SEMA6A: variants seen among roughly 807,000 people sequenced by gnomAD.
SEMA6A encodes semaphorin-6A.
SEMA6A carries 25 observed loss-of-function variants against 96.8 expected under a neutral mutation model. The observed-to-expected ratio is 0.26, with a 90% CI of 0.19 to 0.36. The LOEUF is 0.36. Ranked by LOEUF, SEMA6A falls within the 10% of genes least tolerant of loss-of-function variation. The pLI, the probability that SEMA6A is intolerant of heterozygous loss-of-function variation, is 1.00. For synonymous variants in SEMA6A, 612 were observed against 518.0 expected, an observed-to-expected ratio of 1.18 and a Z score of -2.46; for missense variants, 1,363 against 1,323.1, an observed-to-expected ratio of 1.03 and a Z score of -0.47.
intron 4 of SEMA6A, 47 bp from the exon 5 acceptor site, chr5:116,496,360 G>A (rs41099): frequency 0.17 from 262,234 of 1,561,872 alleles, 23,428 homozygotes; most frequent in African/African-American, 0.28. Context: ...AGGTTGTTGC[G>A]TTTGATTTTA....
chr5:116,503,900 T>A (rs979422216), intron 2 of SEMA6A, among the ~76,000 whole-genome samples: 3 of 152,318 alleles, frequency 2.0e-5, no homozygotes, highest in Admixed American at 6.5e-5. Flanking sequence ...TTTGGAACCT[T>A]GAGTTAGGTG....
At chr5:116,460,775 G>A (rs1346870645) in intron 18 of SEMA6A, among the ~76,000 whole-genome samples, 4 of 130,044 alleles carry the variant, frequency 3.1e-5, no homozygotes, top group Non-Finnish European at 6.4e-5. Context: ...GGTTAAAATT[G>A]TTAATCTCTT....
chr5:116,494,614 G>A (rs906259135), intron 6 of SEMA6A, among the ~76,000 whole-genome samples: 4 of 152,202 alleles, frequency 2.6e-5, no homozygotes, highest in Non-Finnish European at 5.9e-5. Context: ...CACCATGGCA[G>A]CAACCCCATG....
intron 1 of SEMA6A, among the ~76,000 whole-genome samples, chr5:116,572,485 C>G (rs1468467449): frequency 6.6e-6 from 1 of 152,220 alleles, no homozygotes; most frequent in African/African-American, 2.4e-5. Flanking sequence ...CCATTCCTCT[C>G]CCGCTCCACG....
intron 1 of SEMA6A, among the ~76,000 whole-genome samples, chr5:116,555,665 C>A (rs1275676598): frequency 6.6e-6 from 1 of 151,114 alleles, no homozygotes; most frequent in African/African-American, 2.4e-5. Context: ...ATGGCAAGAC[C>A]CCCCCTCAAA....
At chr5:116,532,726 A>G (rs1580483429) in intron 1 of SEMA6A, among the ~76,000 whole-genome samples, 1 of 152,142 alleles carries the variant, frequency 6.6e-6, no homozygotes, top group East Asian at 1.9e-4. Context: ...AGGAAAATCA[A>G]TGAATCAGTA....
chr5:116,495,354 C>G, intron 6 of SEMA6A, 59 bp downstream of exon 6: 1 of 1,269,146 alleles, frequency 7.9e-7, no homozygotes, highest in Non-Finnish European at 1.1e-6. Context: ...CAGGTACAAT[C>G]ACAGTAAATT....
intron 1 of SEMA6A, among the ~76,000 whole-genome samples, chr5:116,573,414 C>T (rs1761319539): frequency 6.6e-6 from 1 of 152,040 alleles, no homozygotes; most frequent in Non-Finnish European, 1.5e-5. Context: ...CCGCGACGGG[C>T]TATATCCTTG....
chr5:116,501,694 C>G (rs1458511984), intron 3 of SEMA6A, among the ~76,000 whole-genome samples: 1 of 152,148 alleles, frequency 6.6e-6, no homozygotes, highest in Non-Finnish European at 1.5e-5. Flanking sequence ...TCAAGACCAG[C>G]CTGACCAACA....
At chr5:116,500,046 T>G (rs905703894) in intron 3 of SEMA6A, among the ~76,000 whole-genome samples, 4 of 152,214 alleles carry the variant, frequency 2.6e-5, no homozygotes, top group Non-Finnish European at 5.9e-5. Flanking sequence ...TGATCAGCCC[T>G]TAGATAATTG....
chr5:116,465,069 A>G (rs1435783361), intron 18 of SEMA6A, among the ~76,000 whole-genome samples: 1 of 152,202 alleles, frequency 6.6e-6, no homozygotes, highest in Non-Finnish European at 1.5e-5. Context: ...CAATCGACCC[A>G]GTAGAAAGAG....
At chr5:116,524,280 A>G (rs538692019) in intron 1 of SEMA6A, among the ~76,000 whole-genome samples, 160 of 152,254 alleles carry the variant, frequency 1.1e-3, no homozygotes, top group Non-Finnish European at 1.8e-3. Flanking sequence ...TTTCTCTTCA[A>G]CTGTGCCCTG....
intron 1 of SEMA6A, among the ~76,000 whole-genome samples, chr5:116,512,586 CTT>C (rs1226302623): frequency 6.6e-6 from 1 of 152,144 alleles, no homozygotes; most frequent in Non-Finnish European, 1.5e-5. Flanking sequence ...AAAAAAATAT[CTT>C]TTCAAAAAAT....
At chr5:116,497,600 C>G (rs1193107882) in intron 3 of SEMA6A, among the ~76,000 whole-genome samples, 1 of 152,132 alleles carries the variant, frequency 6.6e-6, no homozygotes, top group Admixed American at 6.5e-5. Flanking sequence ...CAAGGAACAC[C>G]GTTTATGAAA....
chr5:116,496,194 T>C (rs1757592230), intron 5 of SEMA6A, 57 bp downstream of exon 5: 2 of 1,395,772 alleles, frequency 1.4e-6, no homozygotes, highest in East Asian at 2.3e-5. Context: ...TGGCTGGAGA[T>C]AACAGTCAAA....
intron 1 of SEMA6A, among the ~76,000 whole-genome samples, chr5:116,557,403 G>C (rs1323580840): frequency 1.3e-5 from 2 of 152,122 alleles, no homozygotes; most frequent in Admixed American, 1.3e-4. Flanking sequence ...GTAGAGACGG[G>C]GTTTTGCCAT....
chr5:116,481,078 C>G (rs191691930), intron 11 of SEMA6A, among the ~76,000 whole-genome samples: 15 of 152,306 alleles, frequency 9.8e-5, no homozygotes, highest in East Asian at 3.9e-4. Context: ...TATGTCCACA[C>G]TGTCTCAAGG....
chr5:116,519,360 G>A (rs2112811021), intron 1 of SEMA6A, among the ~76,000 whole-genome samples: 1 of 152,266 alleles, frequency 6.6e-6, no homozygotes, highest in Non-Finnish European at 1.5e-5. Flanking sequence ...AGTGTTTTGG[G>A]AGGTACAAGC....
rs188993340 is a variant in SEMA6A at position 116,541,891 on chromosome 5, A to G, written c.-39+32294T>C. 5.3e-5 allele frequency among the ~76,000 whole-genome samples: 8 copies of G among 152,346 alleles called. No individual in the cohort carries two copies. The East Asian group carries it at 1.3e-3, about 26-fold the overall frequency. ...GCGTGAACTCGGTAACATTTTACACATGAATGGGTATCTAGGGAAGAAAAA... is the reference window on the plus strand; with the variant it reads ...GCGTGAACTCGGTAACATTTTACACGTGAATGGGTATCTAGGGAAGAAAAA... On this transcript the variant is annotated intron_variant, in intron 1 of 18. Transcript: ENST00000343348.
Sources: allele counts gnomAD v4.1 joint callset (sites outside exome capture counted in the v4.1 genomes callset), GRCh38; gene constraint gnomAD v4.1.1; transcripts MANE v1.5; gene names NCBI Gene and HGNC (gene_info 2026-07-23, HGNC 2026-07-21).